Variants in CCDC158 observed in about 807,000 individuals in gnomAD.
CCDC158 encodes coiled-coil domain-containing protein 158.
In CCDC158, 116 loss-of-function variants were observed where a neutral mutation model predicts 138.6. The observed-to-expected ratio is 0.84, with a 90% CI of 0.72 to 0.98. The LOEUF is 0.98. CCDC158 is among the 50% of genes least tolerant of loss of function. The pLI, the probability that CCDC158 is intolerant of heterozygous loss-of-function variation, is 0.00. For missense variants in CCDC158, 1,265 were observed against 1,306.1 expected, an observed-to-expected ratio of 0.97 and a Z score of 0.48; for synonymous variants, 436 against 442.4, an observed-to-expected ratio of 0.99 and a Z score of 0.18.
chr4:76,321,754 T>C (rs966096536), intron 24 of CCDC158, among the ~76,000 whole-genome samples: 1 of 145,634 alleles, frequency 6.9e-6, no homozygotes, highest in Non-Finnish European at 1.5e-5. Context: ...TATGTAAATA[T>C]ATATATTTTT....
chr4:76,420,225 T>C (rs1730005464), intron 1 of CCDC158, among the ~76,000 whole-genome samples: 1 of 151,948 alleles, frequency 6.6e-6, no homozygotes, highest in South Asian at 2.1e-4. Flanking sequence ...GTCTCTGGGA[T>C]ATGTGGAAGC....
At chr4:76,333,821 T>C in intron 19 of CCDC158, 189 bp downstream of exon 19, 1 of 398,590 alleles carries the variant, frequency 2.5e-6, no homozygotes, top group Non-Finnish European at 4.5e-6. Flanking sequence ...GACTGTATTG[T>C]TTTCTCTTAG....
intron 24 of CCDC158, among the ~76,000 whole-genome samples, chr4:76,316,052 G>A (rs1719357274): frequency 6.6e-6 from 1 of 152,122 alleles, no homozygotes; most frequent in South Asian, 2.1e-4. Flanking sequence ...GACAAAACAA[G>A]GTTTGATAAC....
At chr4:76,323,514 C>A in intron 23 of CCDC158, 105 bp from the exon 24 acceptor site, 1 of 791,728 alleles carries the variant, frequency 1.3e-6, no homozygotes, top group Non-Finnish European at 2.0e-6. Context: ...ATAAAGGGAA[C>A]TTTTTTTCAT....
chr4:76,397,675 A>G (rs1727949967), intron 3 of CCDC158, among the ~76,000 whole-genome samples: 1 of 152,224 alleles, frequency 6.6e-6, no homozygotes, highest in Non-Finnish European at 1.5e-5. Flanking sequence ...TTTTCACTGT[A>G]GGAAAGACAC....
intron 6 of CCDC158, 87 bp downstream of exon 6, chr4:76,384,001 T>G: frequency 9.8e-7 from 1 of 1,024,268 alleles, no homozygotes; most frequent in South Asian, 1.8e-5. Flanking sequence ...TTGGCTTATT[T>G]TAAGAATTTT....
intron 13 of CCDC158, among the ~76,000 whole-genome samples, chr4:76,360,228 A>G (rs1724000515): frequency 6.6e-6 from 1 of 152,164 alleles, no homozygotes; most frequent in Non-Finnish European, 1.5e-5. Flanking sequence ...ATTTCAGAGG[A>G]TATATGGAAA....
At chr4:76,406,961 T>C (rs1419151708) in intron 2 of CCDC158, among the ~76,000 whole-genome samples, 1 of 151,874 alleles carries the variant, frequency 6.6e-6, no homozygotes, top group African/African-American at 2.4e-5. Flanking sequence ...TAGGAAATAA[T>C]AAATGCAAAA....
At chr4:76,359,275 T>A (rs939249218) in intron 13 of CCDC158, among the ~76,000 whole-genome samples, 9 of 152,130 alleles carry the variant, frequency 5.9e-5, no homozygotes, top group African/African-American at 2.2e-4. Context: ...TAGTTCTTTA[T>A]AGCAATGCAA....
chr4:76,320,688 G>C (rs975969338), intron 24 of CCDC158, among the ~76,000 whole-genome samples: 7 of 152,278 alleles, frequency 4.6e-5, no homozygotes, highest in Non-Finnish European at 8.8e-5. Flanking sequence ...CATAAAGTGG[G>C]GAAAGGACAC....
chr4:76,411,357 A>T (rs1435632462), intron 2 of CCDC158, among the ~76,000 whole-genome samples: 1 of 152,084 alleles, frequency 6.6e-6, no homozygotes, highest in East Asian at 1.9e-4. Context: ...AGCCATGATC[A>T]CCACTGCACT....
intron 13 of CCDC158, 129 bp from the exon 14 acceptor site, chr4:76,357,655 C>G: frequency 1.7e-6 from 1 of 602,904 alleles, no homozygotes; most frequent in Non-Finnish European, 2.6e-6. Context: ...ATTACATCTT[C>G]CTTTGTTACA....
Position 76,371,420 on chromosome 4 carries a change from C to T in CCDC158, c.1146G>A (p.Leu382=). The T allele has an allele frequency of 6.2e-7, 1 of 1,613,904 alleles. No homozygotes were observed. The highest frequency in any genetic ancestry group is 8.5e-7 in the Non-Finnish European group (1 of 1,179,910). The change falls in exon 10 of 25, where the codon CTG becomes CTA. Residue 382 remains leucine (L), a synonymous_variant. Coordinates refer to ENST00000682701, the MANE Select transcript of CCDC158 (RefSeq NM_001394954.1). ...SGNLDDQLQK[L]LADLHKREKE... ...ATATTTTAAAGCATAATCTTACCAACAGCTTTTGAAGTTGATCATCTAAAT... is the reference window on the plus strand; with the variant it reads ...ATATTTTAAAGCATAATCTTACCAATAGCTTTTGAAGTTGATCATCTAAAT...
chr4:76,350,799 GA>G (rs1722969810), intron 18 of CCDC158, among the ~76,000 whole-genome samples, 196 bp downstream of exon 18: 1 of 152,090 alleles, frequency 6.6e-6, no homozygotes, highest in Non-Finnish European at 1.5e-5. Context: ...TTGAAGATAA[GA>G]AAACACCAAA....
intron 13 of CCDC158, among the ~76,000 whole-genome samples, chr4:76,361,595 G>A (rs932293493): frequency 6.6e-6 from 1 of 152,106 alleles, no homozygotes; most frequent in Non-Finnish European, 1.5e-5. Context: ...TATCCAGTCT[G>A]AGGTAGTTCT....
intron 1 of CCDC158, among the ~76,000 whole-genome samples, chr4:76,419,527 C>G (rs1729948845): frequency 6.6e-6 from 1 of 152,164 alleles, no homozygotes; most frequent in African/African-American, 2.4e-5. Flanking sequence ...TCCCTCCCTC[C>G]CTCTGGAGGC....
upstream of CCDC158, among the ~76,000 whole-genome samples, chr4:76,421,181 C>T (rs937368362): frequency 6.6e-6 from 1 of 151,898 alleles, no homozygotes; most frequent in East Asian, 2.0e-4. Context: ...GCGCTCGGGG[C>T]GCTGCCCAGT....
intron 4 of CCDC158, among the ~76,000 whole-genome samples, chr4:76,395,729 T>A (rs1410154604): frequency 6.6e-6 from 1 of 152,226 alleles, no homozygotes. Flanking sequence ...AAGAGCTTTG[T>A]ATGTGGCAGT....
In CCDC158 at chr4:76,371,435, A is replaced by G. The variant is rs12332060; in HGVS notation, c.1131T>C (p.Asp377=). Residue 377 remains aspartate, a synonymous_variant, in exon 10 of 25, where the codon GAT becomes GAC. Coordinates refer to ENST00000682701, the MANE Select transcript of CCDC158 (RefSeq NM_001394954.1). ...QFSQESGNLD[D]QLQKLLADLH... is the part of the protein sequence containing the mutation. ...ATCTTACCAACAGCTTTTGAAGTTG[A>G]TCATCTAAATTTCCAGATTCCTGAC... The G allele has an allele frequency of 4.8e-3, 7,699 of 1,614,032 alleles. 282 individuals are homozygous for G. The African/African-American group carries it at 0.087, about 18-fold the overall frequency.
Sources: allele counts gnomAD v4.1 joint callset (sites outside exome capture counted in the v4.1 genomes callset), GRCh38; gene constraint gnomAD v4.1.1; transcripts MANE v1.5; gene names NCBI Gene and HGNC (gene_info 2026-07-23, HGNC 2026-07-21).